NINL: variants seen among roughly 807,000 people sequenced by gnomAD.
The protein encoded by NINL is ninein like, also known as ninein-like protein.
NINL carries 153 observed loss-of-function variants against 160.3 expected under a neutral mutation model. The ratio of observed to expected loss-of-function variants is 0.95; its 90% CI spans 0.84 to 1.09. NINL has a LOEUF of 1.09. Ranked by LOEUF, NINL falls within the 50% of genes least tolerant of loss-of-function variation. The pLI is 0.00. For synonymous variants in NINL, 800 were observed against 734.8 expected (o/e 1.09, Z -1.43); for missense variants, 1,829 against 1,764.0 (o/e 1.04, Z -0.66).
intron 1 of NINL, among the ~76,000 whole-genome samples, chr20:25,541,571 A>G (rs1037531620): frequency 1.8e-4 from 28 of 152,246 alleles, no homozygotes; most frequent in African/African-American, 6.8e-4. Context: ...TGCAAAATTT[A>G]TATGTGTATC....
chr20:25,545,165 A>G (rs1477998519), intron 1 of NINL, among the ~76,000 whole-genome samples: 1 of 152,224 alleles, frequency 6.6e-6, no homozygotes, highest in African/African-American at 2.4e-5. Flanking sequence ...AGGGTCAGGT[A>G]GGCAGTAAGG....
chr20:25,575,072 T>C (rs2065098680), intron 1 of NINL, among the ~76,000 whole-genome samples: 1 of 152,128 alleles, frequency 6.6e-6, no homozygotes, highest in African/African-American at 2.4e-5. Flanking sequence ...AACTTTTTAT[T>C]GGTTGGAGGT....
intron 1 of NINL, among the ~76,000 whole-genome samples, chr20:25,531,965 T>G (rs2064472112): frequency 6.6e-6 from 1 of 152,168 alleles, no homozygotes; most frequent in South Asian, 2.1e-4. Context: ...AAGTTCTTTC[T>G]CAGGGGCATC....
At chr20:25,527,320 A>G (rs1200443983) in intron 1 of NINL, among the ~76,000 whole-genome samples, 2 of 151,944 alleles carry the variant, frequency 1.3e-5, no homozygotes, top group African/African-American at 4.8e-5. Context: ...CTCCCAGCTA[A>G]TTTTTCTATT....
At chr20:25,576,322 T>C (rs2147191102) in intron 1 of NINL, among the ~76,000 whole-genome samples, 1 of 152,310 alleles carries the variant, frequency 6.6e-6, no homozygotes, top group African/African-American at 2.4e-5. Flanking sequence ...GGGTCAGGTG[T>C]GTCCTTGGCA....
At chr20:25,473,135 C>T (rs1178703191) in intron 17 of NINL, among the ~76,000 whole-genome samples, 1 of 152,182 alleles carries the variant, frequency 6.6e-6, no homozygotes, top group East Asian at 1.9e-4. Context: ...TGATTCCTCT[C>T]CATAAAGTAC....
At chr20:25,542,421 G>GAC (rs2064678165) in intron 1 of NINL, among the ~76,000 whole-genome samples, 1 of 151,858 alleles carries the variant, frequency 6.6e-6, no homozygotes, top group African/African-American at 2.4e-5. Flanking sequence ...CATCAGAGGA[G>GAC]ACCAAGAAGA....
chr20:25,499,161 C>T (rs1056554032), intron 8 of NINL: 27 of 985,322 alleles, frequency 2.7e-5, no homozygotes, highest in Admixed American at 6.1e-5. Context: ...ACACTGCCCA[C>T]TTCCCAGCAG....
chr20:25,456,608 AG>A (rs2090688202), intron 22 of NINL, among the ~76,000 whole-genome samples: 1 of 152,196 alleles, frequency 6.6e-6, no homozygotes, highest in East Asian at 1.9e-4. Flanking sequence ...CATTTTAAAA[AG>A]AATCAGCTCA....
At chr20:25,499,945 C>CAAAAAAAA (rs11476280) in intron 8 of NINL, among the ~76,000 whole-genome samples, 1 of 61,436 alleles carries the variant, frequency 1.6e-5, no homozygotes, top group African/African-American at 5.8e-5. Flanking sequence ...ACCAATTTCG[C>CAAAAAAAA]AAAAAAAAAA....
intron 14 of NINL, among the ~76,000 whole-genome samples, chr20:25,480,551 C>T (rs527348364): frequency 6.6e-6 from 1 of 152,330 alleles, no homozygotes; most frequent in East Asian, 1.9e-4. Context: ...ACCCTAAATC[C>T]TGTTCCCTGA....
chr20:25,539,861 G>A (rs566831466), intron 1 of NINL, among the ~76,000 whole-genome samples: 1 of 152,344 alleles, frequency 6.6e-6, no homozygotes, highest in South Asian at 2.1e-4. Flanking sequence ...CCACGGGGCG[G>A]AGGAAAGAAA....
chr20:25,465,643 C>G (rs2062895217), intron 19 of NINL, among the ~76,000 whole-genome samples: 1 of 152,122 alleles, frequency 6.6e-6, no homozygotes, highest in African/African-American at 2.4e-5. Context: ...AGCCGAGACC[C>G]CACATCACAG....
At chr20:25,559,439 C>T (rs1466863254) in intron 1 of NINL, among the ~76,000 whole-genome samples, 3 of 152,162 alleles carry the variant, frequency 2.0e-5, no homozygotes, top group Admixed American at 2.0e-4. Context: ...CGGGGTTTCA[C>T]CATGTTGGCC....
At chr20:25,553,050 G>C (rs560064088) in intron 1 of NINL, among the ~76,000 whole-genome samples, 33 of 150,104 alleles carry the variant, frequency 2.2e-4, no homozygotes, top group Admixed American at 2.1e-3. Context: ...TGCTCACTGT[G>C]GCCCTCCACT....
intron 1 of NINL, among the ~76,000 whole-genome samples, chr20:25,575,418 G>C (rs2147187388): frequency 7.5e-6 from 1 of 133,554 alleles, no homozygotes; most frequent in East Asian, 2.2e-4. Context: ...CTACACTCCA[G>C]CCTGGGCAAC....
chr20:25,500,908 C>T lies in NINL; in HGVS notation c.964G>A (p.Ala322Thr), dbSNP rs35490827. The change falls in exon 8 of 24, where the codon GCT becomes ACT. Residue 322 changes from alanine (A) to threonine (T), a missense_variant. Physicochemically the swap from Ala to Thr is moderately conservative, Grantham distance 58. Transcript: ENST00000278886. ...FSSIDDGSGFAFPDQVLAMWT... is the reference protein window; with the variant it reads ...FSSIDDGSGFTFPDQVLAMWT... ...ATGGCCAGGACCTGATCAGGAAAAG[C>T]GAAGCCAGAACCATCGTCAATGCTG... 324 of 1,614,106 alleles carry T rather than the reference C, an allele frequency of 2.0e-4. No individual in the cohort carries two copies. The highest frequency in any genetic ancestry group is 2.6e-4 in the Non-Finnish European group (307 of 1,180,056).
At chr20:25,465,217 C>G (rs541563535) in intron 19 of NINL, among the ~76,000 whole-genome samples, 179 of 152,284 alleles carry the variant, frequency 1.2e-3, no homozygotes, top group African/African-American at 4.1e-3. Flanking sequence ...TGTGGGATGG[C>G]CCACGGGACC....
intron 1 of NINL, among the ~76,000 whole-genome samples, chr20:25,531,450 C>A (rs571264900): frequency 6.6e-6 from 1 of 152,122 alleles, no homozygotes; most frequent in Non-Finnish European, 1.5e-5. Flanking sequence ...TGATAAGTGT[C>A]CATGAAATCT....
Sources: allele counts gnomAD v4.1 joint callset (sites outside exome capture counted in the v4.1 genomes callset), GRCh38; gene constraint gnomAD v4.1.1; transcripts MANE v1.5; gene names NCBI Gene and HGNC (gene_info 2026-07-23, HGNC 2026-07-21).